The following PEBP4 variants were observed in gnomAD, a reference collection of about 807,000 sequenced individuals.
PEBP4 encodes phosphatidylethanolamine-binding protein 4.
PEBP4 carries 22 observed loss-of-function variants against 23.9 expected under a neutral mutation model. The observed-to-expected ratio is 0.92, with a 90% confidence interval of 0.66 to 1.31. The LOEUF (loss-of-function observed/expected upper bound fraction) is 1.31, where lower values mean the gene tolerates loss of function less well. Among genes scored for constraint, PEBP4 ranks in the 40% most tolerant of loss-of-function variants. PEBP4 has a pLI of 0.00. For synonymous variants in PEBP4, 112 were observed against 99.3 expected (o/e 1.13, Z -0.76); for missense variants, 324 against 281.7 (o/e 1.15, Z -1.07).
At chr8:22,904,877 T>C (rs1013035786) in intron 3 of PEBP4, among the ~76,000 whole-genome samples, 2 of 152,244 alleles carry the variant, frequency 1.3e-5, no homozygotes, top group Admixed American at 6.5e-5. Context: ...ACCAATCTAT[T>C]GTTGAACATT....
At chr8:22,935,168 A>G (rs6984433) in intron 1 of PEBP4, among the ~76,000 whole-genome samples, 128,360 of 152,222 alleles carry the variant, frequency 0.84, 54,505 homozygotes, top group African/African-American at 0.94. Context: ...AGTAATTGGA[A>G]ATTTCAGTAC....
intron 4 of PEBP4, among the ~76,000 whole-genome samples, chr8:22,737,172 T>G (rs1413197425): frequency 6.6e-6 from 1 of 151,682 alleles, no homozygotes; most frequent in Non-Finnish European, 1.5e-5. Flanking sequence ...CAGGCGCCTG[T>G]AGTCCCAGTT....
intron 3 of PEBP4, chr8:22,895,383 G>C (rs1029860555): frequency 2.6e-5 from 4 of 152,194 alleles, no homozygotes; most frequent in African/African-American, 7.2e-5. Context: ...CCTTCACTCT[G>C]TCCCAGGAGA....
intron 4 of PEBP4, among the ~76,000 whole-genome samples, chr8:22,782,338 G>A (rs775542062): frequency 2.6e-5 from 4 of 152,208 alleles, no homozygotes; most frequent in East Asian, 1.9e-4. Context: ...CACAGAGCAC[G>A]TGGGAACCTC....
intron 4 of PEBP4, among the ~76,000 whole-genome samples, chr8:22,767,312 A>G (rs1380984846): frequency 6.6e-6 from 1 of 152,232 alleles, no homozygotes; most frequent in East Asian, 1.9e-4. Flanking sequence ...AGCAGTTGTG[A>G]GATGTATCAC....
intron 4 of PEBP4, among the ~76,000 whole-genome samples, chr8:22,737,981 C>T (rs1203293460): frequency 1.3e-5 from 2 of 152,096 alleles, no homozygotes; most frequent in African/African-American, 2.4e-5. Context: ...GATGGGGATG[C>T]TGCCTCCGTC....
At chr8:22,724,367 G>A (rs1188080549) in intron 6 of PEBP4, among the ~76,000 whole-genome samples, 2 of 152,200 alleles carry the variant, frequency 1.3e-5, no homozygotes, top group Non-Finnish European at 2.9e-5. Flanking sequence ...GGGATGGTGG[G>A]GGACATCTTC....
At chr8:22,885,027 C>T (rs1456177907) in intron 3 of PEBP4, 2 of 152,216 alleles carry the variant, frequency 1.3e-5, no homozygotes, top group Non-Finnish European at 2.9e-5. Flanking sequence ...TCAATGCACT[C>T]TCCCCAAATG....
rs182919489 is a variant in PEBP4 at position 22,852,795 on chromosome 8, T to C, written c.259-35060A>G. Among the ~76,000 whole-genome samples the C allele has an allele frequency of 4.2e-3, 632 of 151,946 alleles. 30 individuals are homozygous for C. Among genetic ancestry groups the C allele is most frequent in the Admixed American group, 0.036 (551 of 15,264 alleles). On this transcript the variant is annotated intron_variant, in intron 3 of 6. Coordinates refer to ENST00000256404, the MANE Select transcript of PEBP4 (RefSeq NM_144962.3). ...TTACCAGGTCCTGAGCAATTAACAA[T>C]TAAAAAAAAAAGACTAAAAGATGAT...
At chr8:22,814,386 ACTTTTGG>A (rs1806695523) in intron 4 of PEBP4, among the ~76,000 whole-genome samples, 1 of 152,212 alleles carries the variant, frequency 6.6e-6, no homozygotes, top group South Asian at 2.1e-4. Flanking sequence ...CAGGCATCTA[ACTTTTGG>A]CTTTTATTTA....
At chr8:22,783,748 C>A (rs1482292245) in intron 4 of PEBP4, among the ~76,000 whole-genome samples, 1 of 152,236 alleles carries the variant, frequency 6.6e-6, no homozygotes, top group Non-Finnish European at 1.5e-5. Flanking sequence ...TCCTCCTGCC[C>A]CAGACTCACA....
At chr8:22,792,847 C>T (rs1432423493) in intron 4 of PEBP4, among the ~76,000 whole-genome samples, 1 of 152,004 alleles carries the variant, frequency 6.6e-6, no homozygotes, top group African/African-American at 2.4e-5. Context: ...TGGTAGGGAG[C>T]AGGTGGCTCT....
chr8:22,727,312 G>A (rs1804638778), intron 4 of PEBP4, 92 bp from the exon 5 acceptor site: 1 of 1,195,926 alleles, frequency 8.4e-7, no homozygotes, highest in African/African-American at 1.9e-5. Flanking sequence ...CTCTGCAGGA[G>A]GAGGATGGGA....
chr8:22,757,143 C>G (rs1467674785), intron 4 of PEBP4: 1 of 152,206 alleles, frequency 6.6e-6, no homozygotes, highest in Non-Finnish European at 1.5e-5. Flanking sequence ...CAGGGTTCAT[C>G]TTTTAAAATC....
rs796109653 is a variant in PEBP4 at position 22,898,398 on chromosome 8, A to C, written c.258+21786T>G. On this transcript the variant is annotated intron_variant, in intron 3 of 6. Transcript: ENST00000256404. ...CAGAGGAAGACTCCACCCCAAAAAA[A>C]AAAAAAAAAAAAAAAAAAAAAAAAA... Among the ~76,000 whole-genome samples, 38 of 57,030 alleles carry C rather than the reference A, an allele frequency of 6.7e-4. 5 individuals are homozygous for C. Among genetic ancestry groups the C allele is most frequent in the East Asian group, 1.7e-3 (3 of 1,750 alleles). The allele number at this position is 57,030 out of a possible 152,430, so 37.4% of individuals were successfully genotyped here. A position where few individuals can be genotyped will look rare whatever the true frequency, so the allele number is the denominator to read the frequency against.
chr8:22,833,690 G>A (rs970300808), intron 3 of PEBP4, among the ~76,000 whole-genome samples: 1 of 152,162 alleles, frequency 6.6e-6, no homozygotes, highest in African/African-American at 2.4e-5. Flanking sequence ...GACCTGGCTA[G>A]GTTAAGCTTC....
At chr8:22,734,999 C>T (rs998003731) in intron 4 of PEBP4, among the ~76,000 whole-genome samples, 3 of 152,130 alleles carry the variant, frequency 2.0e-5, no homozygotes, top group African/African-American at 2.4e-5. Flanking sequence ...TGTTCTAGGT[C>T]GTGCGATTGC....
At position 22,926,578 on chromosome 8, in the gene PEBP4, C is replaced by T. The variant is rs575179467; in HGVS notation, c.131+1006G>A. Among the ~76,000 whole-genome samples, 4 of 152,224 alleles carry T rather than the reference C, an allele frequency of 2.6e-5. No individual in the cohort carries two copies. In the South Asian group the frequency reaches 8.3e-4, roughly 32 times the overall value. ...CCCAGGCTGGTCTCAAACCCCTGGGCTCAAGTGATCCTCCACCTTGGCCTC... is the reference window on the plus strand; with the variant it reads ...CCCAGGCTGGTCTCAAACCCCTGGGTTCAAGTGATCCTCCACCTTGGCCTC... On this transcript the variant is annotated intron_variant, in intron 2 of 6. Transcript: ENST00000256404.
intron 4 of PEBP4, among the ~76,000 whole-genome samples, chr8:22,753,888 T>C (rs530432000): frequency 7.2e-5 from 11 of 152,258 alleles, no homozygotes; most frequent in African/African-American, 2.6e-4. Flanking sequence ...ACAGAGCACA[T>C]CTGTCTGGGT....
Sources: gnomAD v4.1 joint callset for allele counts (sites outside exome capture counted in the v4.1 genomes callset) on GRCh38, gnomAD v4.1.1 for gene constraint, MANE v1.5 for transcripts, NCBI Gene and HGNC (gene_info 2026-07-23, HGNC 2026-07-21) for gene names.